The following CCDC90B variants were observed in gnomAD, a reference collection of about 807,000 sequenced individuals.
CCDC90B encodes the protein coiled-coil domain-containing protein 90B, mitochondrial.
In CCDC90B, 24 loss-of-function variants were observed where a neutral mutation model predicts 37.0. That is an observed-to-expected ratio of 0.65 (90% CI 0.47 to 0.91). The LOEUF is 0.91. Among genes scored for constraint, CCDC90B ranks in the 40% least tolerant of loss-of-function variants. The pLI is 0.00. For synonymous variants in CCDC90B, 113 were observed against 101.1 expected (o/e 1.12, Z -0.71); for missense variants, 319 against 299.0 (o/e 1.07, Z -0.49).
chr11:83,280,351 A>G (rs1865314346), intron 1 of CCDC90B, 91 bp from the exon 2 acceptor site: 2 of 1,141,952 alleles, frequency 1.8e-6, no homozygotes, highest in Non-Finnish European at 1.3e-6. Flanking sequence ...TCCATTTATA[A>G]TATAGTTCCA....
intron 7 of CCDC90B, among the ~76,000 whole-genome samples, chr11:83,272,145 G>A (rs1049481744): frequency 1.3e-5 from 2 of 151,970 alleles, no homozygotes; most frequent in Non-Finnish European, 2.9e-5. Flanking sequence ...TAGGACCTAA[G>A]GTAAAATGAT....
At chr11:83,263,062 C>CT (rs1453872405) in intron 8 of CCDC90B, among the ~76,000 whole-genome samples, 1 of 152,076 alleles carries the variant, frequency 6.6e-6, no homozygotes, top group East Asian at 1.9e-4. Context: ...GGATTTAAGA[C>CT]TAAGTGTACT....
intron 1 of CCDC90B, among the ~76,000 whole-genome samples, chr11:83,282,092 A>G (rs1390207638): frequency 6.6e-6 from 1 of 152,202 alleles, no homozygotes; most frequent in Admixed American, 6.5e-5. Context: ...ACTTTATAAT[A>G]AAGTGTTGAA....
chr11:83,264,881 T>G (rs1029410621), intron 8 of CCDC90B, among the ~76,000 whole-genome samples: 1 of 146,370 alleles, frequency 6.8e-6, no homozygotes, highest in Admixed American at 7.0e-5. Context: ...CACTGCATAT[T>G]CTCACTCATA....
intron 2 of CCDC90B, among the ~76,000 whole-genome samples, chr11:83,279,606 T>C (rs1386489091): frequency 6.6e-6 from 1 of 152,166 alleles, no homozygotes; most frequent in African/African-American, 2.4e-5. Flanking sequence ...AATTTAGTTT[T>C]CAATAAGGGG....
intron 8 of CCDC90B, 68 bp from the exon 9 acceptor site, chr11:83,262,034 A>T: frequency 4.5e-6 from 5 of 1,107,008 alleles, no homozygotes; most frequent in African/African-American, 1.6e-5. Flanking sequence ...AAAGAGAATA[A>T]TGTTATCTTT....
rs775991525 is a variant in CCDC90B, at chr11:83,261,862, G to A, written c.*49C>T. 24 of 1,336,596 alleles carry A rather than the reference G, an allele frequency of 1.8e-5. No individual in the cohort carries two copies. The highest frequency in any genetic ancestry group is 3.0e-5 in the African/African-American group (2 of 67,020). The allele number at this position is 1,336,596 out of a possible 1,614,324, so 82.8% of individuals were successfully genotyped here. On this transcript the variant is annotated 3_prime_UTR_variant, in exon 9 of 9. Coordinates refer to ENST00000529689, the MANE Select transcript of CCDC90B (RefSeq NM_021825.5). ...ACAATGTTCAAAGTAAATCTCTCCC[G>A]GTTTGGTGTTCTAAGAAGCCAACAG...
intron 8 of CCDC90B, among the ~76,000 whole-genome samples, chr11:83,264,206 C>G (rs1312316430): frequency 1.3e-5 from 2 of 152,130 alleles, no homozygotes; most frequent in South Asian, 4.2e-4. Context: ...TAATAAAGGA[C>G]TGGATACATA....
At chr11:83,278,169 T>C (rs576035111) in intron 3 of CCDC90B, among the ~76,000 whole-genome samples, 1 of 152,360 alleles carries the variant, frequency 6.6e-6, no homozygotes, top group South Asian at 2.1e-4. Flanking sequence ...TGCTTACTTT[T>C]CAAGGTTATT....
intron 1 of CCDC90B, chr11:83,285,036 A>T (rs1318961470): frequency 2.3e-6 from 2 of 856,450 alleles, no homozygotes; most frequent in South Asian, 2.2e-5. Context: ...GGTGTGGATT[A>T]AAATGAAACA....
intron 3 of CCDC90B, among the ~76,000 whole-genome samples, chr11:83,277,294 G>T (rs1486019436): frequency 6.6e-6 from 1 of 152,070 alleles, no homozygotes; most frequent in African/African-American, 2.4e-5. Flanking sequence ...GCTCTTTCAG[G>T]ACAGCTCGGA....
At chr11:83,279,005 C>A (rs1007192335) in intron 2 of CCDC90B, among the ~76,000 whole-genome samples, 176 bp from the exon 3 acceptor site, 1 of 152,020 alleles carries the variant, frequency 6.6e-6, no homozygotes, top group South Asian at 2.1e-4. Context: ...AACTTTAGGC[C>A]GGGCATGGTG....
At chr11:83,285,222 A>G in intron 1 of CCDC90B, 2 of 1,285,266 alleles carry the variant, frequency 1.6e-6, no homozygotes, top group Non-Finnish European at 2.0e-6. Context: ...CTGGGAGGGA[A>G]GTTAAAAAAC....
intron 3 of CCDC90B, among the ~76,000 whole-genome samples, chr11:83,278,503 G>T (rs974331237): frequency 3.3e-5 from 5 of 152,102 alleles, no homozygotes; most frequent in Non-Finnish European, 7.4e-5. Flanking sequence ...TCCCATCAAA[G>T]ATTTGGCAAA....
chr11:83,278,299 A>G (rs2135654140), intron 3 of CCDC90B, among the ~76,000 whole-genome samples: 1 of 152,374 alleles, frequency 6.6e-6, no homozygotes, highest in Middle Eastern at 3.4e-3. Context: ...CAGGGAATTT[A>G]TAAAGTCCCT....
intron 1 of CCDC90B, 60 bp from the exon 2 acceptor site, chr11:83,280,320 G>C: frequency 6.9e-7 from 1 of 1,450,742 alleles, no homozygotes; most frequent in Non-Finnish European, 9.5e-7. Context: ...AGCTACTTTA[G>C]CTTACAAAGC....
At chr11:83,262,582 A>G (rs1863989936) in intron 8 of CCDC90B, among the ~76,000 whole-genome samples, 1 of 152,186 alleles carries the variant, frequency 6.6e-6, no homozygotes, top group Non-Finnish European at 1.5e-5. Context: ...TGAGGCCTTT[A>G]GGGACTCCCT....
intron 7 of CCDC90B, among the ~76,000 whole-genome samples, chr11:83,270,252 G>C (rs1231399243): frequency 1.3e-5 from 2 of 152,204 alleles, no homozygotes; most frequent in Non-Finnish European, 2.9e-5. Context: ...CACAAGACGA[G>C]GATGCCCTCT....
At chr11:83,277,170 C>T (rs538011729) in intron 3 of CCDC90B, among the ~76,000 whole-genome samples, 2 of 152,282 alleles carry the variant, frequency 1.3e-5, no homozygotes, top group East Asian at 3.9e-4. Flanking sequence ...ATTAAATGGT[C>T]CTGGCAGCAC....
Sources: allele counts gnomAD v4.1 joint callset (sites outside exome capture counted in the v4.1 genomes callset), GRCh38; gene constraint gnomAD v4.1.1; transcripts MANE v1.5; gene names NCBI Gene and HGNC (gene_info 2026-07-23, HGNC 2026-07-21).